CLN6: variants seen among roughly 807,000 people sequenced by gnomAD.
CLN6 encodes CLN6 transmembrane ER protein.
A neutral mutation model predicts 33.3 loss-of-function variants in CLN6; 22 were observed. That is an observed-to-expected ratio of 0.66 (90% CI 0.47 to 0.94). The LOEUF is 0.94. Among genes scored for constraint, CLN6 ranks in the 40% least tolerant of loss-of-function variants. The probability of loss-of-function intolerance (pLI) is 0.00; values close to 1 mark genes in which losing one functional copy is unlikely to be tolerated. For synonymous variants in CLN6, 201 were observed against 174.6 expected, an observed-to-expected ratio of 1.15 and a Z score of -1.19; for missense variants, 387 against 417.1, an observed-to-expected ratio of 0.93 and a Z score of 0.63.
chr15:68,246,517 C>T lies in CLN6; in HGVS notation c.179+10173G>A, dbSNP rs896745775. Among the ~76,000 whole-genome samples the T allele has an allele frequency of 6.6e-6, 1 of 151,794 alleles. No individual in the cohort carries two copies. Among genetic ancestry groups the T allele is most frequent in the Non-Finnish European group, 1.5e-5 (1 of 67,954 alleles). Reference sequence around the variant, plus strand: ...AAGAAAATTTAAAAAATTTTTCAAACGAATCAAAATGGAAATAAACATAAC... The same window carrying T: ...AAGAAAATTTAAAAAATTTTTCAAATGAATCAAAATGGAAATAAACATAAC... On this transcript the variant is annotated intron_variant, in intron 1 of 6. Transcript: ENST00000538696. This position sits in a 1 kb window ranked among gnomAD's most constrained non-coding sequence, Gnocchi z 4.5.
rs1482326864 is a variant in CLN6, at chr15:68,246,502, A to T, written c.179+10188T>A. Among the ~76,000 whole-genome samples the T allele has an allele frequency of 2.0e-5, 3 of 152,146 alleles. No homozygotes were observed. The highest frequency in any genetic ancestry group is 2.9e-5 in the Non-Finnish European group (2 of 68,036). On this transcript the variant is annotated intron_variant, in intron 1 of 6. Coordinates refer to the CLN6 transcript ENST00000538696. The surrounding 1 kb of genome is among the most constrained non-coding windows in gnomAD (Gnocchi z 4.5). ...AATGAAGAAATTAAAAAGAAAATTT[A>T]AAAAATTTTTCAAACGAATCAAAAT...
At chr15:68,249,908 G>A (rs373135934) in intron 1 of CLN6, among the ~76,000 whole-genome samples, 1 of 152,128 alleles carries the variant, frequency 6.6e-6, no homozygotes, top group African/African-American at 2.4e-5. Flanking sequence ...GAGTAGCTGG[G>A]ATTACAGGTG....
At chr15:68,243,420 T>C (rs1272684476) in intron 1 of CLN6, among the ~76,000 whole-genome samples, 3 of 152,136 alleles carry the variant, frequency 2.0e-5, no homozygotes, top group East Asian at 3.9e-4. Flanking sequence ...TACCTTATGG[T>C]CAAACTAATT....
At chr15:68,235,472 C>T (rs1012601534) in intron 1 of CLN6, among the ~76,000 whole-genome samples, 5 of 151,712 alleles carry the variant, frequency 3.3e-5, no homozygotes, top group African/African-American at 1.2e-4. Flanking sequence ...AGGAGACCCA[C>T]AGCAGGAGAA....
intron 2 of CLN6, among the ~76,000 whole-genome samples, chr15:68,217,847 T>C (rs1289332431): frequency 6.6e-6 from 1 of 151,786 alleles, no homozygotes; most frequent in Non-Finnish European, 1.5e-5. Context: ...CGTTCGTCTA[T>C]TTATTATCTA....
intron 2 of CLN6, chr15:68,215,703 C>G (rs978846357): frequency 1.3e-5 from 2 of 152,196 alleles, no homozygotes; most frequent in East Asian, 3.9e-4. Context: ...GGCAATCCTC[C>G]TGCCTTGGCC....
At position 68,209,562 on chromosome 15, in the gene CLN6, T is replaced by TTGGC; in HGVS notation, c.665+71_665+74dup. The TTGGC allele has an allele frequency of 1.3e-6, 2 of 1,593,696 alleles. No homozygotes were observed. Among genetic ancestry groups the TTGGC allele is most frequent in the Non-Finnish European group, 1.7e-6 (2 of 1,171,030 alleles). On this transcript the variant is annotated intron_variant, in intron 6 of 6. Transcript: ENST00000249806. The surrounding 1 kb of genome is among the most constrained non-coding windows in gnomAD (Gnocchi z 4.9). ...TCCCTGGGGCCACACAGCAGGTCCA[T>TTGGC]TGGCAAGTGCAGAATTTTGCTGCCG... is the stretch of plus-strand genomic sequence containing the variant.
intron 1 of CLN6, among the ~76,000 whole-genome samples, chr15:68,255,743 A>G (rs991387415): frequency 2.0e-5 from 3 of 152,196 alleles, no homozygotes; most frequent in Non-Finnish European, 4.4e-5. Flanking sequence ...AATATTTTGT[A>G]TATGTTTGGT....
At chr15:68,230,240 T>A (rs1427782261), upstream of CLN6, among the ~76,000 whole-genome samples, 1 of 151,338 alleles carries the variant, frequency 6.6e-6, no homozygotes, top group Non-Finnish European at 1.5e-5. This position sits in a 1 kb window ranked among gnomAD's most constrained non-coding sequence, Gnocchi z 4.0. Context: ...ATGTGGGGGG[T>A]GAGGGGAGAA....
rs1401844585 is a variant in CLN6 at position 68,241,946 on chromosome 15, A to G, written c.179+14744T>C. Among the ~76,000 whole-genome samples, 1 of 152,240 alleles carries G rather than the reference A, an allele frequency of 6.6e-6. No individual in the cohort carries two copies. The highest frequency in any genetic ancestry group is 2.4e-5 in the African/African-American group (1 of 41,456). On this transcript the variant is annotated intron_variant, in intron 1 of 6. Transcript: ENST00000538696. The surrounding 1 kb of genome is among the most constrained non-coding windows in gnomAD (Gnocchi z 4.2). ...TTCAGCAGTATATTACAAAGACTCT[A>G]TAAGCAAACATACCCAATAAAAAGC... is the stretch of plus-strand genomic sequence containing the variant.
intron 3 of CLN6, chr15:68,212,253 C>T: frequency 1.3e-5 from 3 of 225,886 alleles, no homozygotes; most frequent in Admixed American, 5.2e-5. Context: ...GCTGAAGGCA[C>T]CTTCTGATTT....
chr15:68,243,748 CTA>C (rs1368845799), intron 1 of CLN6, among the ~76,000 whole-genome samples: 1 of 135,160 alleles, frequency 7.4e-6, no homozygotes, highest in Non-Finnish European at 1.5e-5. Flanking sequence ...GAGCAAGACT[CTA>C]TCTCAAAAAA....
chr15:68,214,428 C>G, intron 2 of CLN6, 40 bp from the exon 3 acceptor site: 1 of 1,501,212 alleles, frequency 6.7e-7, no homozygotes, highest in South Asian at 1.1e-5. Context: ...CTGGGCACAG[C>G]CCCACGCGGC....
Position 68,209,330 on chromosome 15 carries a change from G to A in CLN6, c.665+307C>T, listed in dbSNP as rs1424154540. On this transcript the variant is annotated intron_variant, in intron 6 of 6. Transcript: ENST00000249806. The surrounding 1 kb of genome is among the most constrained non-coding windows in gnomAD (Gnocchi z 4.9). Reference sequence around the variant, plus strand: ...CTTGGTGTCGGAGGTGGATTGTACCGGCCCCAGGGCAACACTGGGGTTCTT... The same window carrying A: ...CTTGGTGTCGGAGGTGGATTGTACCAGCCCCAGGGCAACACTGGGGTTCTT... Among the ~76,000 whole-genome samples, 2 of 152,184 alleles carry A rather than the reference G, an allele frequency of 1.3e-5. No homozygotes were observed. Among genetic ancestry groups the A allele is most frequent in the Non-Finnish European group, 2.9e-5 (2 of 68,026 alleles).
chr15:68,218,384 A>G, intron 2 of CLN6, 152 bp downstream of exon 2: 1 of 643,518 alleles, frequency 1.6e-6, no homozygotes, highest in Non-Finnish European at 2.8e-6. Context: ...GGGCCAAGTC[A>G]TAGAGCTAAG....
At chr15:68,226,481 T>A (rs1237809441) in intron 1 of CLN6, among the ~76,000 whole-genome samples, 1 of 152,156 alleles carries the variant, frequency 6.6e-6, no homozygotes, top group Non-Finnish European at 1.5e-5. Flanking sequence ...TTTTTTCTTT[T>A]TTGAGACGGA....
chr15:68,213,346 C>G (rs1326238837), intron 3 of CLN6: 6 of 152,244 alleles, frequency 3.9e-5, no homozygotes. Flanking sequence ...TCAAGTGATT[C>G]TCTGGCCTCA....
At chr15:68,214,439 C>T (rs1255145560) in intron 2 of CLN6, 51 bp from the exon 3 acceptor site, 1 of 1,424,222 alleles carries the variant, frequency 7.0e-7, no homozygotes, top group Non-Finnish European at 9.9e-7. Context: ...CCCACGCGGC[C>T]CTCGGGCCTC....
In CLN6 at chr15:68,241,211, C is replaced by T. The variant is rs893700588; in HGVS notation, c.179+15479G>A. ...AAGCCTGGAGACTTCCAGTCCAAAA[C>T]TGGTGGTGTAGAAGCAAGCTGGCTA... On this transcript the variant is annotated intron_variant, in intron 1 of 6. Coordinates refer to the CLN6 transcript ENST00000538696. The surrounding 1 kb of genome is among the most constrained non-coding windows in gnomAD (Gnocchi z 4.2). Among the ~76,000 whole-genome samples, 4 of 152,130 alleles carry T rather than the reference C, an allele frequency of 2.6e-5. No individual in the cohort carries two copies. Among genetic ancestry groups the T allele is most frequent in the African/African-American group, 9.7e-5 (4 of 41,434 alleles).
Sources: allele counts gnomAD v4.1 joint callset (sites outside exome capture counted in the v4.1 genomes callset), GRCh38; gene constraint gnomAD v4.1.1; non-coding constraint Gnocchi (gnomAD v3.1); transcripts MANE v1.5; gene names NCBI Gene and HGNC (gene_info 2026-07-23, HGNC 2026-07-21).